The following KIF1B variants were observed in gnomAD, a reference collection of about 807,000 sequenced individuals.
The protein encoded by KIF1B is kinesin-like protein KIF1B.
In KIF1B, 76 loss-of-function variants were observed where a neutral mutation model predicts 241.9. The ratio of observed to expected loss-of-function variants is 0.31; its 90% confidence interval spans 0.26 to 0.38. The LOEUF (loss-of-function observed/expected upper bound fraction) is 0.38, where lower values mean the gene tolerates loss of function less well. Among genes scored for constraint, KIF1B ranks in the 10% least tolerant of loss-of-function variants. KIF1B has a pLI of 1.00. For synonymous variants in KIF1B, 750 were observed against 796.7 expected, an observed-to-expected ratio of 0.94 and a Z score of 0.99; for missense variants, 1,622 against 2,271.4, an observed-to-expected ratio of 0.71 and a Z score of 5.81.
At chr1:10,322,899 C>T (rs1235346718) in intron 24 of KIF1B, among the ~76,000 whole-genome samples, 2 of 152,092 alleles carry the variant, frequency 1.3e-5, no homozygotes, top group African/African-American at 4.8e-5. Flanking sequence ...AAGTACTTAC[C>T]ATATTTATTA....
chr1:10,338,024 T>C (rs1475025100), intron 31 of KIF1B, among the ~76,000 whole-genome samples: 2 of 152,206 alleles, frequency 1.3e-5, no homozygotes, highest in Non-Finnish European at 2.9e-5. Context: ...CTCATCTACA[T>C]AGGACTTGCT....
Position 10,326,417 on chromosome 1 carries a change from C to A in KIF1B, c.2924+58C>A. ...GGACCAGCTCTTGCTCTGAAGGCCT[C>A]CCTGCTTGCACAATTTTGGATAACC... On this transcript the variant is annotated intron_variant, in intron 27 of 48. Transcript: ENST00000676179. This position sits in a 1 kb window ranked among gnomAD's most constrained non-coding sequence, Gnocchi z 5.2. The A allele has an allele frequency of 6.2e-7, 1 of 1,610,128 alleles. No homozygotes were observed. Among genetic ancestry groups the A allele is most frequent in the Non-Finnish European group, 8.5e-7 (1 of 1,178,438 alleles).
Position 10,267,480 on chromosome 1 carries a change from A to G in KIF1B, c.530A>G (p.Tyr177Cys). ...RVREHPLLGP[Y>C]VEDLSKLAVT... ...CGTGAACACCCACTTCTTGGACCCT[A>G]TGTGGAGGATCTGTCCAAGTTGGCA... Residue 177 changes from tyrosine (Y) to cysteine (C), a missense_variant, in exon 6 of 49, where the codon TAT (tyrosine) becomes TGT (cysteine). By Grantham distance (194) the Tyr-to-Cys change is radical. Coordinates refer to ENST00000676179, the MANE Select transcript of KIF1B (RefSeq NM_001365951.3). 4 of 1,614,188 alleles carry G rather than the reference A, an allele frequency of 2.5e-6. No homozygotes were observed. The highest frequency in any genetic ancestry group is 3.4e-6 in the Non-Finnish European group (4 of 1,179,994).
At position 10,217,217 on chromosome 1, in the gene KIF1B, G is replaced by A. The variant is rs191345483; in HGVS notation, c.-80+6339G>A. 4.1e-3 allele frequency among the ~76,000 whole-genome samples: 618 copies of A among 149,934 alleles called. 7 individuals carry two copies. The highest frequency in any genetic ancestry group is 0.014 in the African/African-American group (585 of 40,884). On this transcript the variant is annotated intron_variant, in intron 1 of 48. Transcript: ENST00000676179. ...TCAAACTCCTGACCTCAGGTGATCCGCCCGCCTCTGCCTTCCAAAATGTTG... is the reference window on the plus strand; with the variant it reads ...TCAAACTCCTGACCTCAGGTGATCCACCCGCCTCTGCCTTCCAAAATGTTG...
In KIF1B at chr1:10,303,690, G is replaced by T; in HGVS notation, c.2115+6444G>T. On this transcript the variant is annotated intron_variant, in intron 22 of 48. Coordinates refer to ENST00000676179, the MANE Select transcript of KIF1B (RefSeq NM_001365951.3). The surrounding 1 kb of genome is among the most constrained non-coding windows in gnomAD (Gnocchi z 5.2). ...AAGATATTTTGCAAGAAGTCAAAAA[G>T]CAAAATAACATGAAAGACGAGGAGA... 6.2e-7 allele frequency: 1 copy of T among 1,614,122 alleles called. No homozygotes were observed. The highest frequency in any genetic ancestry group is 8.5e-7 in the Non-Finnish European group (1 of 1,180,012).
intron 1 of KIF1B, among the ~76,000 whole-genome samples, chr1:10,220,394 AGAT>A (rs761021788): frequency 0.013 from 1,667 of 131,678 alleles, 15 homozygotes; most frequent in African/African-American, 0.029. Context: ...ATAGATAGAT[AGAT>A]GATAGATAGA....
Position 10,210,604 on chromosome 1 carries a change from C to G in KIF1B, c.-354C>G, listed in dbSNP as rs985395757. ...GCAGCGGTCCTGGGAGGCGCCCGCG[C>G]GCGTCGGAGCAGCTCCCCGTCCTCC... On this transcript the variant is annotated 5_prime_UTR_variant, in exon 1 of 49. Coordinates refer to ENST00000676179, the MANE Select transcript of KIF1B (RefSeq NM_001365951.3). The surrounding 1 kb of genome is among the most constrained non-coding windows in gnomAD (Gnocchi z 4.1). Among the ~76,000 whole-genome samples the G allele has an allele frequency of 6.6e-6, 1 of 151,938 alleles. No homozygotes were observed. Among genetic ancestry groups the G allele is most frequent in the African/African-American group, 2.4e-5 (1 of 41,418 alleles).
chr1:10,269,091 T>C (rs188557362), intron 7 of KIF1B, among the ~76,000 whole-genome samples: 1 of 152,174 alleles, frequency 6.6e-6, no homozygotes, highest in Non-Finnish European at 1.5e-5. Context: ...TCAAGTTAGG[T>C]TTATTGTACT....
chr1:10,251,629 C>T (rs1485671598), intron 2 of KIF1B, among the ~76,000 whole-genome samples: 2 of 151,064 alleles, frequency 1.3e-5, no homozygotes, highest in African/African-American at 4.9e-5. Flanking sequence ...AGATACGTGG[C>T]AGGCTGAGGC....
chr1:10,224,055 G>A (rs1430941830), intron 1 of KIF1B, among the ~76,000 whole-genome samples: 1 of 151,932 alleles, frequency 6.6e-6, no homozygotes, highest in African/African-American at 2.4e-5. Context: ...TGCCTGCCTT[G>A]GCCTCTGAAA....
chr1:10,217,920 G>C (rs919073155), intron 1 of KIF1B, among the ~76,000 whole-genome samples: 1 of 151,876 alleles, frequency 6.6e-6, no homozygotes, highest in Non-Finnish European at 1.5e-5. Context: ...TATCTTTTTT[G>C]TTCACGGATT....
intron 9 of KIF1B, among the ~76,000 whole-genome samples, chr1:10,272,715 GTT>G (rs200198962): frequency 0.076 from 10,214 of 134,586 alleles, 412 homozygotes; most frequent in Middle Eastern, 0.14. Context: ...AGGGCCAGTA[GTT>G]TTTTTTTTTT....
At chr1:10,230,079 G>A (rs1646961238) in intron 1 of KIF1B, among the ~76,000 whole-genome samples, 1 of 152,028 alleles carries the variant, frequency 6.6e-6, no homozygotes, top group African/African-American at 2.4e-5. Context: ...GGAGGCTGAG[G>A]TGGGAGGATC....
chr1:10,272,566 T>C (rs1648859484), intron 9 of KIF1B: 2 of 543,600 alleles, frequency 3.7e-6, no homozygotes, highest in Admixed American at 6.1e-5. Context: ...ACTCATTTTT[T>C]TGAGCCTTAT....
intron 31 of KIF1B, among the ~76,000 whole-genome samples, chr1:10,339,385 A>G (rs1028430865): frequency 5.9e-5 from 9 of 152,206 alleles, no homozygotes; most frequent in Non-Finnish European, 1.3e-4. Context: ...TGCCATCCAC[A>G]GGCTCTCGCA....
At chr1:10,364,229 G>A (rs1638505005) in intron 41 of KIF1B, among the ~76,000 whole-genome samples, 1 of 125,394 alleles carries the variant, frequency 8.0e-6, no homozygotes, top group Non-Finnish European at 1.6e-5. Flanking sequence ...TTTTGAGACA[G>A]AGTCTCGCTG....
At chr1:10,247,072 CCAGGCTGGT>C in intron 2 of KIF1B, among the ~76,000 whole-genome samples, 1 of 152,144 alleles carries the variant, frequency 6.6e-6, no homozygotes, top group Non-Finnish European at 1.5e-5. Context: ...GCCATGTTGG[CCAGGCTGGT>C]ATCGAACTCC....
At chr1:10,294,264 G>A (rs1223430100) in intron 17 of KIF1B, among the ~76,000 whole-genome samples, 1 of 152,126 alleles carries the variant, frequency 6.6e-6, no homozygotes, top group East Asian at 1.9e-4. Flanking sequence ...GAAGAGGATT[G>A]TTAGAAGATG....
At chr1:10,309,255 T>TA (rs1650965672) in intron 22 of KIF1B, among the ~76,000 whole-genome samples, 1 of 152,256 alleles carries the variant, frequency 6.6e-6, no homozygotes, top group South Asian at 2.1e-4. Context: ...AGAGAAGTGT[T>TA]ATGCCTGAAT....
Sources: gnomAD v4.1 joint callset for allele counts (sites outside exome capture counted in the v4.1 genomes callset) on GRCh38, gnomAD v4.1.1 for gene constraint, Gnocchi (gnomAD v3.1) non-coding constraint, MANE v1.5 for transcripts, NCBI Gene and HGNC (gene_info 2026-07-23, HGNC 2026-07-21) for gene names.